Variants in ADAM12 observed in about 807,000 individuals in gnomAD.
ADAM12 encodes the protein disintegrin and metalloproteinase domain-containing protein 12.
ADAM12 carries 70 observed loss-of-function variants against 106.4 expected under a neutral mutation model. The ratio of observed to expected loss-of-function variants is 0.66; its 90% confidence interval spans 0.54 to 0.80. The LOEUF is 0.80. Ranked by LOEUF, ADAM12 falls within the 30% of genes least tolerant of loss-of-function variation. ADAM12 has a pLI of 0.00. For synonymous variants in ADAM12, 420 were observed against 433.5 expected (o/e 0.97, Z 0.39); for missense variants, 1,010 against 1,171.9 (o/e 0.86, Z 2.02).
intron 2 of ADAM12, among the ~76,000 whole-genome samples, chr10:126,310,397 A>G (rs997757931): frequency 6.6e-6 from 1 of 152,176 alleles, no homozygotes; most frequent in Non-Finnish European, 1.5e-5. Context: ...AGTAAGAGAA[A>G]GAAATCACCA....
intron 11 of ADAM12, among the ~76,000 whole-genome samples, chr10:126,078,287 C>T (rs2133518711): frequency 1.3e-5 from 2 of 152,298 alleles, no homozygotes; most frequent in Middle Eastern, 3.4e-3. Flanking sequence ...GTCTATTATA[C>T]TCAAAGCACT....
At chr10:126,259,208 G>C (rs1341311814) in intron 3 of ADAM12, among the ~76,000 whole-genome samples, 3 of 152,052 alleles carry the variant, frequency 2.0e-5, no homozygotes, top group African/African-American at 7.2e-5. Context: ...ACACGGCAGA[G>C]TGCAGCTTTC....
At chr10:126,074,254 GC>G (rs2133506394) in intron 11 of ADAM12, among the ~76,000 whole-genome samples, 1 of 152,322 alleles carries the variant, frequency 6.6e-6, no homozygotes, top group African/African-American at 2.4e-5. Flanking sequence ...CAGAATCACA[GC>G]AATTAAGAGA....
At chr10:126,193,471 T>G (rs936830555) in intron 3 of ADAM12, among the ~76,000 whole-genome samples, 1 of 152,180 alleles carries the variant, frequency 6.6e-6, no homozygotes, top group South Asian at 2.1e-4. Context: ...AGAAATGTGC[T>G]TACTGGATTA....
At chr10:126,235,457 A>C (rs4962522) in intron 3 of ADAM12, among the ~76,000 whole-genome samples, 10,921 of 152,256 alleles carry the variant, frequency 0.072, 501 homozygotes, top group East Asian at 0.13. Context: ...GCTGGGCTCC[A>C]AGTCGGGCCC....
chr10:126,314,129 A>C (rs1350106370), intron 2 of ADAM12, among the ~76,000 whole-genome samples: 1 of 152,100 alleles, frequency 6.6e-6, no homozygotes, highest in Non-Finnish European at 1.5e-5. Flanking sequence ...AGTGTGGAGG[A>C]TGAGGCATCA....
intron 5 of ADAM12, among the ~76,000 whole-genome samples, chr10:126,133,471 C>T (rs1025423552): frequency 1.3e-5 from 2 of 152,206 alleles, no homozygotes; most frequent in Non-Finnish European, 2.9e-5. Flanking sequence ...ACAAAAGTTG[C>T]CACCTTTGAC....
chr10:126,170,444 C>CG (rs113272663), intron 3 of ADAM12, among the ~76,000 whole-genome samples: 2,854 of 148,698 alleles, frequency 0.019, 37 homozygotes, highest in Non-Finnish European at 0.027. Flanking sequence ...AAAAAGAGGG[C>CG]GGGGGGGGAG....
chr10:126,041,302 T>C, intron 18 of ADAM12: 1 of 984,854 alleles, frequency 1.0e-6, no homozygotes, highest in Non-Finnish European at 1.2e-6. Flanking sequence ...GCTCATGGCC[T>C]GCCTTGATTT....
intron 1 of ADAM12, among the ~76,000 whole-genome samples, chr10:126,354,455 C>A (rs542015073): frequency 5.9e-5 from 9 of 152,298 alleles, no homozygotes; most frequent in African/African-American, 2.2e-4. Context: ...AGTAGAACGT[C>A]TGCGGGAGAT....
At position 126,112,453 on chromosome 10, in the gene ADAM12, C is replaced by T. The variant is rs548631044; in HGVS notation, c.604-2613G>A. ...TTATGAACAAAAGCCCTTCCTCAAA[C>T]GGGAACATCAGCCTCTGGGATTAGC... On this transcript the variant is annotated intron_variant, in intron 6 of 22. Coordinates refer to ENST00000448723, the MANE Select transcript of ADAM12 (RefSeq NM_001288973.2). 3.9e-5 allele frequency among the ~76,000 whole-genome samples: 6 copies of T among 152,076 alleles called. No homozygotes were observed. In the East Asian group the frequency reaches 5.8e-4, roughly 15 times the overall value.
At chr10:126,337,190 G>A (rs1025925301) in intron 1 of ADAM12, among the ~76,000 whole-genome samples, 6 of 152,212 alleles carry the variant, frequency 3.9e-5, no homozygotes, top group Non-Finnish European at 8.8e-5. Flanking sequence ...AAGCCCGAAA[G>A]CCTCAAAACC....
chr10:126,044,112 T>C (rs1053241178), intron 17 of ADAM12, among the ~76,000 whole-genome samples: 2 of 152,090 alleles, frequency 1.3e-5, no homozygotes, highest in Non-Finnish European at 2.9e-5. Flanking sequence ...ATGAAGATGA[T>C]ATATATTTAA....
intron 3 of ADAM12, among the ~76,000 whole-genome samples, chr10:126,172,861 T>C (rs1377974258): frequency 6.6e-6 from 1 of 152,210 alleles, no homozygotes; most frequent in Non-Finnish European, 1.5e-5. Flanking sequence ...CCAACCCAAA[T>C]GCCCATCAAT....
chr10:126,208,320 C>T (rs1179035255), intron 3 of ADAM12, among the ~76,000 whole-genome samples: 2 of 152,156 alleles, frequency 1.3e-5, no homozygotes, highest in Non-Finnish European at 2.9e-5. Flanking sequence ...TGCCAAACAT[C>T]CTACAATGCC....
intron 1 of ADAM12, among the ~76,000 whole-genome samples, chr10:126,339,847 C>CGTTT (rs1207791907): frequency 2.5e-4 from 19 of 75,710 alleles, no homozygotes; most frequent in Non-Finnish European, 4.4e-4. Flanking sequence ...CATTCTAGGG[C>CGTTT]TTTTTTTTTT....
At chr10:126,037,512 T>C (rs1405245052) in intron 20 of ADAM12, among the ~76,000 whole-genome samples, 1 of 152,216 alleles carries the variant, frequency 6.6e-6, no homozygotes, top group Admixed American at 6.5e-5. Flanking sequence ...GCAATGATTT[T>C]TCAATCACTT....
chr10:126,264,196 C>A (rs546001125), intron 3 of ADAM12, among the ~76,000 whole-genome samples: 1 of 152,300 alleles, frequency 6.6e-6, no homozygotes, highest in East Asian at 1.9e-4. Context: ...TCCCAAGGAA[C>A]TTCTGTGATG....
intron 21 of ADAM12, among the ~76,000 whole-genome samples, chr10:126,035,940 A>T (rs1954051659): frequency 6.8e-6 from 1 of 146,836 alleles, no homozygotes. Flanking sequence ...CTAGTAAATT[A>T]AAATATATGA....
Sources: allele counts gnomAD v4.1 joint callset (sites outside exome capture counted in the v4.1 genomes callset), GRCh38; gene constraint gnomAD v4.1.1; transcripts MANE v1.5; gene names NCBI Gene and HGNC (gene_info 2026-07-23, HGNC 2026-07-21).